Variants in IPCEF1 observed in about 807,000 individuals in gnomAD.
The protein encoded by IPCEF1 is interactor protein for cytohesin exchange factors 1.
IPCEF1 carries 31 observed loss-of-function variants against 50.9 expected under a neutral mutation model. The observed-to-expected ratio is 0.61, with a 90% CI of 0.46 to 0.82. The LOEUF (loss-of-function observed/expected upper bound fraction) is 0.82, where lower values mean the gene tolerates loss of function less well. IPCEF1 is among the 40% of genes least tolerant of loss of function. The probability of loss-of-function intolerance (pLI) is 0.00; values close to 1 mark genes in which losing one functional copy is unlikely to be tolerated. For synonymous variants in IPCEF1, 181 were observed against 192.0 expected (o/e 0.94, Z 0.47); for missense variants, 458 against 514.0 (o/e 0.89, Z 1.05).
chr6:154,175,116 G>A (rs1186022342), intron 10 of IPCEF1, among the ~76,000 whole-genome samples: 1 of 152,166 alleles, frequency 6.6e-6, no homozygotes, highest in Non-Finnish European at 1.5e-5. Context: ...GATGTTCTTT[G>A]AAACCAATTA....
chr6:154,207,688 G>C (rs1777618644), intron 9 of IPCEF1, among the ~76,000 whole-genome samples: 1 of 151,982 alleles, frequency 6.6e-6, no homozygotes, highest in Admixed American at 6.6e-5. Flanking sequence ...CTCCTCTGTC[G>C]CTGGCCAAGG....
rs1802102429 is a variant in IPCEF1, at chr6:154,193,351, G to A, written c.910+6317C>T. Among the ~76,000 whole-genome samples, 6 of 152,068 alleles carry A rather than the reference G, an allele frequency of 3.9e-5. No homozygotes were observed. The South Asian group carries it at 1.2e-3, about 32-fold the overall frequency. Reference sequence around the variant, plus strand: ...AAAGGCACGATAAAATAGACTTTGGGGACTCGGGGGAAAGGATAAGAGTGA... The same window carrying A: ...AAAGGCACGATAAAATAGACTTTGGAGACTCGGGGGAAAGGATAAGAGTGA... On this transcript the variant is annotated intron_variant, in intron 10 of 11. Coordinates refer to ENST00000367220, the MANE Select transcript of IPCEF1 (RefSeq NM_001130700.2).
chr6:154,247,634 A>G (rs1035584991), intron 3 of IPCEF1, 146 bp from the exon 4 acceptor site: 3 of 590,054 alleles, frequency 5.1e-6, no homozygotes, highest in Non-Finnish European at 9.1e-6. Context: ...ACGGGGAGCT[A>G]CTAGCTGAGG....
In IPCEF1 at chr6:154,282,682, G is replaced by A. The variant is rs186620813; in HGVS notation, c.-18+7031C>T. Among the ~76,000 whole-genome samples, 782 of 151,750 alleles carry A rather than the reference G, an allele frequency of 5.2e-3. 15 individuals are homozygous for A. Among genetic ancestry groups the A allele is most frequent in the Middle Eastern group, 0.014 (4 of 294 alleles). On this transcript the variant is annotated intron_variant, in intron 2 of 11. Transcript: ENST00000367220. ...GGCCTGGGCAAAAGAGCGAGACTCC[G>A]TCTCAAAAAAAAAAGAACTAGCTGG...
Position 154,155,319 on chromosome 6 carries a change from T to C in IPCEF1, c.*4509A>G, listed in dbSNP as rs1023300083. ...CTGGGCAGGGCAGTCATCTCCCAGT[T>C]CTAGGATTCAATTTCTCCTGTGAGG... On this transcript the variant is annotated 3_prime_UTR_variant, in exon 12 of 12. Coordinates refer to ENST00000367220, the MANE Select transcript of IPCEF1 (RefSeq NM_001130700.2). The C allele has an allele frequency of 6.6e-6, 1 of 152,282 alleles. No homozygotes were observed. The highest frequency in any genetic ancestry group is 6.5e-5 in the Admixed American group (1 of 15,302). 9.4% of individuals were successfully genotyped at this position (152,282 alleles called of 1,614,324 possible). A position where few individuals can be genotyped will look rare whatever the true frequency, so the allele number is the denominator to read the frequency against.
At chr6:154,318,147 T>C (rs996653265) in intron 1 of IPCEF1, among the ~76,000 whole-genome samples, 2 of 152,134 alleles carry the variant, frequency 1.3e-5, no homozygotes, top group Non-Finnish European at 2.9e-5. Flanking sequence ...AAGACTAACC[T>C]TTGGAGAAAG....
rs2128688804 is a variant in IPCEF1 at position 154,323,299 on chromosome 6, T to C, written c.-62+33373A>G. Among the ~76,000 whole-genome samples the C allele has an allele frequency of 1.3e-5, 2 of 152,278 alleles. 1 individual carries two copies. The highest frequency in any genetic ancestry group is 4.1e-4 in the South Asian group (2 of 4,830). On this transcript the variant is annotated intron_variant, in intron 1 of 11. Coordinates refer to ENST00000367220, the MANE Select transcript of IPCEF1 (RefSeq NM_001130700.2). ...TCACTGTTGGGGGTTGATAAATACA[T>C]ATTCCAGTTCCCTTGCTCCTTGGGG...
chr6:154,267,137 C>A (rs1272985717), intron 2 of IPCEF1, among the ~76,000 whole-genome samples: 1 of 18,030 alleles, frequency 5.5e-5, no homozygotes, highest in Non-Finnish European at 1.0e-4. Context: ...TAACTTATTT[C>A]TTAAAAAAAA....
At chr6:154,245,258 T>C (rs1028594448) in intron 5 of IPCEF1, among the ~76,000 whole-genome samples, 5 of 151,446 alleles carry the variant, frequency 3.3e-5, no homozygotes, top group Non-Finnish European at 5.9e-5. Context: ...AAAACTTTGA[T>C]AAAGTTGTTA....
intron 1 of IPCEF1, among the ~76,000 whole-genome samples, chr6:154,290,907 T>TTTTTTTTTTTTTTTA (rs1782498588): frequency 6.6e-6 from 1 of 150,568 alleles, no homozygotes; most frequent in African/African-American, 2.5e-5. Context: ...TTTTTTTTTT[T>TTTTTTTTTTTTTTTA]GAGACAGAGT....
At chr6:154,320,448 T>G (rs1783345076) in intron 1 of IPCEF1, among the ~76,000 whole-genome samples, 1 of 152,216 alleles carries the variant, frequency 6.6e-6, no homozygotes, top group African/African-American at 2.4e-5. Flanking sequence ...AGGAAAAGCT[T>G]TGTTTTCAAG....
intron 9 of IPCEF1, among the ~76,000 whole-genome samples, chr6:154,207,684 T>C (rs890225119): frequency 2.6e-5 from 4 of 152,214 alleles, no homozygotes; most frequent in Admixed American, 2.6e-4. Flanking sequence ...CTTCCTCCTC[T>C]GTCGCTGGCC....
intron 2 of IPCEF1, among the ~76,000 whole-genome samples, chr6:154,276,268 A>C (rs1446940411): frequency 2.5e-5 from 1 of 40,024 alleles, no homozygotes; most frequent in African/African-American, 9.8e-5. Context: ...GGAGGAAGAA[A>C]GAGAAAAAAG....
intron 1 of IPCEF1, among the ~76,000 whole-genome samples, chr6:154,297,628 A>G (rs1450759062): frequency 6.6e-6 from 1 of 152,254 alleles, no homozygotes; most frequent in Non-Finnish European, 1.5e-5. Flanking sequence ...AAGTTAATAG[A>G]GGAAAACAAA....
intron 7 of IPCEF1, among the ~76,000 whole-genome samples, chr6:154,220,058 G>A (rs1778739874): frequency 6.7e-6 from 1 of 148,874 alleles, no homozygotes; most frequent in Non-Finnish European, 1.5e-5. Context: ...AAAGGCAGTT[G>A]CTTTTTTTCT....
chr6:154,192,966 C>G (rs1802057841), intron 10 of IPCEF1, among the ~76,000 whole-genome samples: 1 of 152,138 alleles, frequency 6.6e-6, no homozygotes, highest in African/African-American at 2.4e-5. Flanking sequence ...GTGGCGATTC[C>G]TTAAAGAACT....
chr6:154,238,945 G>A (rs1780361050), intron 5 of IPCEF1, among the ~76,000 whole-genome samples: 1 of 151,370 alleles, frequency 6.6e-6, no homozygotes, highest in Non-Finnish European at 1.5e-5. Context: ...AAAAAAAGAA[G>A]TTGTGGAAAC....
At chr6:154,197,256 G>T (rs1042120057) in intron 10 of IPCEF1, among the ~76,000 whole-genome samples, 3 of 152,046 alleles carry the variant, frequency 2.0e-5, no homozygotes, top group South Asian at 2.1e-4. Flanking sequence ...ACCTTTGTCT[G>T]CAACACATAA....
intron 3 of IPCEF1, among the ~76,000 whole-genome samples, chr6:154,248,338 T>G (rs28714698): frequency 1.6e-4 from 24 of 149,098 alleles, no homozygotes; most frequent in East Asian, 5.8e-4. Context: ...TGTGTGTGTG[T>G]AGAGAGAGAG....
Sources: allele counts gnomAD v4.1 joint callset (sites outside exome capture counted in the v4.1 genomes callset), GRCh38; gene constraint gnomAD v4.1.1; transcripts MANE v1.5; gene names NCBI Gene and HGNC (gene_info 2026-07-23, HGNC 2026-07-21).